Variants in PHKA2 observed in about 807,000 individuals in gnomAD.
PHKA2 encodes the protein phosphorylase b kinase regulatory subunit alpha, liver isoform.
Under a neutral mutation model 102.0 loss-of-function variants are expected in PHKA2, and 31 were observed. That is an observed-to-expected ratio of 0.30 (90% CI 0.23 to 0.41). PHKA2 has a LOEUF of 0.41. PHKA2 is among the 10% of genes least tolerant of loss of function. The probability of loss-of-function intolerance (pLI) is 1.00; values close to 1 mark genes in which losing one functional copy is unlikely to be tolerated. For synonymous variants in PHKA2, 455 were observed against 416.2 expected, an observed-to-expected ratio of 1.09 and a Z score of -1.13; for missense variants, 858 against 1,023.1, an observed-to-expected ratio of 0.84 and a Z score of 2.20.
At chrX:18,979,872 C>T (rs2049146391) in intron 1 of PHKA2, among the ~76,000 whole-genome samples, 1 of 110,267 alleles carries the variant, frequency 9.1e-6, no homozygotes, top group Admixed American at 9.7e-5. Flanking sequence ...CAACTATTAC[C>T]TCTAACAGAA....
Position 18,984,025 on chromosome X carries a change from C to T in PHKA2, c.-93G>A. On this transcript the variant is annotated 5_prime_UTR_variant, in exon 1 of 33. The change creates a new upstream start codon in the 5' untranslated region. Coordinates refer to ENST00000379942, the MANE Select transcript of PHKA2 (RefSeq NM_000292.3). ...TCCAAGCGGGTCTGGTTCCCGGACA[C>T]TCACAGCCTTAGTCGGTTCTTGGGA... 2.8e-6 allele frequency: 2 copies of T among 718,199 alleles called. No individual in the cohort carries two copies. Among genetic ancestry groups the T allele is most frequent in the Non-Finnish European group, 4.4e-6 (2 of 451,424 alleles). The allele number at this position is 718,199 out of a possible 1,213,427, so 59.2% of individuals were successfully genotyped here. A position where few individuals can be genotyped will look rare whatever the true frequency, so the allele number is the denominator to read the frequency against.
rs1383366796 is a variant in PHKA2 at position 18,908,909 on chromosome X, G to C, written c.2252C>G (p.Pro751Arg). 1 of 1,207,257 alleles carries C rather than the reference G, an allele frequency of 8.3e-7. No individual in the cohort carries two copies. Among genetic ancestry groups the C allele is most frequent in the Admixed American group, 2.2e-5 (1 of 45,658 alleles). Reference sequence around the variant, plus strand: ...GTCCACGTCACCATGGTCATCTCTGGGCCACTGAAAGTCACTTTCAGGAAC... The same window carrying C: ...GTCCACGTCACCATGGTCATCTCTGCGCCACTGAAAGTCACTTTCAGGAAC... ...EKVPESDFQWPRDDHGDVDCE... is the reference protein window; with the variant it reads ...EKVPESDFQWRRDDHGDVDCE... Residue 751 changes from proline to arginine, a missense_variant, in exon 21 of 33, where the codon CCC becomes CGC. Coordinates refer to ENST00000379942, the MANE Select transcript of PHKA2 (RefSeq NM_000292.3).
chrX:18,914,007 C>G (rs1427485458), intron 19 of PHKA2, among the ~76,000 whole-genome samples: 2 of 112,507 alleles, frequency 1.8e-5, no homozygotes, highest in Non-Finnish European at 3.7e-5. Context: ...GGAGTACACT[C>G]TAAATACGCA....
intron 1 of PHKA2, among the ~76,000 whole-genome samples, chrX:18,970,978 C>T (rs754758927): frequency 1.1e-4 from 12 of 112,619 alleles, no homozygotes; most frequent in Admixed American, 4.7e-4. Flanking sequence ...TCCTGGTACA[C>T]CAGCGGGATG....
chrX:18,909,083 G>C, intron 20 of PHKA2, 149 bp from the exon 21 acceptor site: 1 of 704,597 alleles, frequency 1.4e-6, no homozygotes, highest in Non-Finnish European at 2.2e-6. Flanking sequence ...TTATTTATAG[G>C]CTTTTACTAT....
At chrX:18,952,802 C>T (rs1003698458) in intron 2 of PHKA2, among the ~76,000 whole-genome samples, 47 of 112,507 alleles carry the variant, frequency 4.2e-4, no homozygotes, top group Non-Finnish European at 7.5e-4. Context: ...AGTGACTCCT[C>T]GTTGACATCT....
At chrX:18,895,076 T>C in intron 31 of PHKA2, 62 bp downstream of exon 31, 2 of 1,036,946 alleles carry the variant, frequency 1.9e-6, no homozygotes, top group Middle Eastern at 2.5e-4. Context: ...TCAGAGTCCA[T>C]GCAATGAAGC....
At chrX:18,909,494 C>T (rs1041563845) in intron 20 of PHKA2, among the ~76,000 whole-genome samples, 1 of 111,883 alleles carries the variant, frequency 8.9e-6, no homozygotes, top group Non-Finnish European at 1.9e-5. Context: ...ACTCCTAGGG[C>T]GTGAAAATAG....
At chrX:18,921,903 A>G (rs1190941455) in intron 17 of PHKA2, among the ~76,000 whole-genome samples, 1 of 112,833 alleles carries the variant, frequency 8.9e-6, no homozygotes, top group Non-Finnish European at 1.9e-5. Context: ...GCCAGTGCTC[A>G]GTGAACTGCA....
At chrX:18,965,177 C>T (rs1378927078) in intron 1 of PHKA2, among the ~76,000 whole-genome samples, 3 of 112,016 alleles carry the variant, frequency 2.7e-5, no homozygotes, top group Non-Finnish European at 5.6e-5. Flanking sequence ...TACAATCAAA[C>T]GTGTAAACGA....
At chrX:18,942,414 T>A (rs2048507524) in intron 7 of PHKA2, among the ~76,000 whole-genome samples, 1 of 111,899 alleles carries the variant, frequency 8.9e-6, no homozygotes, top group Admixed American at 9.5e-5. Flanking sequence ...GAAGAAGGAC[T>A]TAGGGTACCA....
intron 26 of PHKA2, among the ~76,000 whole-genome samples, chrX:18,904,076 T>C (rs946523945): frequency 1.8e-5 from 2 of 111,532 alleles, no homozygotes; most frequent in Non-Finnish European, 3.8e-5. Flanking sequence ...AATGGAGCCA[T>C]GGGAGTGGAG....
At chrX:18,947,232 T>G (rs2048596312) in intron 5 of PHKA2, among the ~76,000 whole-genome samples, 1 of 112,287 alleles carries the variant, frequency 8.9e-6, no homozygotes, top group Non-Finnish European at 1.9e-5. Context: ...CGACCATATT[T>G]ACTCTCTGGC....
At position 18,952,480 on chromosome X, in the gene PHKA2, T is replaced by C; in HGVS notation, c.285+14A>G. The C allele has an allele frequency of 8.3e-7, 1 of 1,202,828 alleles. No homozygotes were observed. The highest frequency in any genetic ancestry group is 1.1e-6 in the Non-Finnish European group (1 of 887,106). On this transcript the variant is annotated intron_variant, in intron 3 of 32. Coordinates refer to ENST00000379942, the MANE Select transcript of PHKA2 (RefSeq NM_000292.3). ...AATGCCCACTTGGCAAACACGTGTG[T>C]GGGTTCTGCCTACCTGTCTCATCAT...
Position 18,907,059 on chromosome X carries a change from G to A in PHKA2, c.2556C>T (p.Thr852=), listed in dbSNP as rs746198433. The change falls in exon 23 of 33, where the codon ACC becomes ACT. Residue 852 remains threonine, a synonymous_variant. Transcript: ENST00000379942. ...CCCGGGGCTCGGGCGGCAGGCCCAC[G>A]GTGAGCTGCTTCTGGTGCGAAAGCA... is the stretch of plus-strand genomic sequence containing the variant. ...TDLLSHQKQL[T]VGLPPEPREK... is the part of the protein sequence containing the mutation. The A allele has an allele frequency of 8.4e-6, 10 of 1,193,705 alleles. No individual in the cohort carries two copies. Among genetic ancestry groups the A allele is most frequent in the South Asian group, 3.7e-5 (2 of 54,396 alleles).
chrX:18,901,007 ATT>A (rs747588302), intron 27 of PHKA2, among the ~76,000 whole-genome samples: 30 of 90,814 alleles, frequency 3.3e-4, no homozygotes, highest in Non-Finnish European at 3.1e-4. Context: ...GTTCAAAAGG[ATT>A]TTTTTTTTTT....
intron 26 of PHKA2, among the ~76,000 whole-genome samples, chrX:18,904,744 A>G (rs1267610422): frequency 1.8e-5 from 2 of 112,233 alleles, no homozygotes; most frequent in African/African-American, 3.2e-5. Context: ...GGAAACATAC[A>G]AAGTACCCAA....
rs2048463361 is a variant in PHKA2, at chrX:18,939,932, A to C, written c.918+63T>G. 5.2e-6 allele frequency: 4 copies of C among 767,882 alleles called. No homozygotes were observed. The Admixed American group carries it at 8.9e-5, about 17-fold the overall frequency. The allele number at this position is 767,882 out of a possible 1,213,427, so 63.3% of individuals were successfully genotyped here. On this transcript the variant is annotated intron_variant, in intron 9 of 32. Transcript: ENST00000379942. ...AATTATAATCAGCAGAGGGAGAACA[A>C]CACATTGGCAACTTAGAGATGAAAC...
intron 5 of PHKA2, among the ~76,000 whole-genome samples, chrX:18,947,497 C>T (rs931384509): frequency 2.7e-5 from 3 of 112,354 alleles, no homozygotes; most frequent in Non-Finnish European, 5.6e-5. Flanking sequence ...GTTGGGGCGA[C>T]GCTCATGGCA....
Sources: allele counts gnomAD v4.1 joint callset (sites outside exome capture counted in the v4.1 genomes callset), GRCh38; gene constraint gnomAD v4.1.1; transcripts MANE v1.5; gene names NCBI Gene and HGNC (gene_info 2026-07-23, HGNC 2026-07-21).